Variants in ERC2 observed in about 807,000 individuals in gnomAD.
ERC2 encodes ELKS/RAB6-interacting/CAST family member 2.
ERC2 carries 42 observed loss-of-function variants against 114.8 expected under a neutral mutation model. The observed-to-expected ratio is 0.37, with a 90% CI of 0.29 to 0.47. The LOEUF is 0.47. ERC2 is among the 20% of genes least tolerant of loss of function. The pLI is 0.99. For synonymous variants in ERC2, 454 were observed against 425.5 expected, an observed-to-expected ratio of 1.07 and a Z score of -0.82; for missense variants, 939 against 1,150.7, an observed-to-expected ratio of 0.82 and a Z score of 2.66.
intron 14 of ERC2, among the ~76,000 whole-genome samples, chr3:55,760,714 G>A (rs1418677853): frequency 6.6e-6 from 1 of 152,210 alleles, no homozygotes; most frequent in Non-Finnish European, 1.5e-5. Context: ...TAGTCTGCAT[G>A]GAGGTGGTTC....
At chr3:56,384,879 A>G (rs1050179897) in intron 2 of ERC2, among the ~76,000 whole-genome samples, 3 of 152,062 alleles carry the variant, frequency 2.0e-5, no homozygotes, top group African/African-American at 7.2e-5. Context: ...TAAGGGTCCA[A>G]CCTCATTATT....
chr3:55,563,852 C>A, intron 17 of ERC2, among the ~76,000 whole-genome samples: 1 of 152,322 alleles, frequency 6.6e-6, no homozygotes, highest in East Asian at 1.9e-4. Context: ...CTGGGCTCCT[C>A]AGTAACATTA....
chr3:56,380,163 G>T (rs2059694986), intron 2 of ERC2, among the ~76,000 whole-genome samples: 1 of 152,102 alleles, frequency 6.6e-6, no homozygotes, highest in African/African-American at 2.4e-5. Context: ...CAATCTGAGT[G>T]TTTCATATAC....
At chr3:56,126,806 G>GAAA (rs1241665710) in intron 6 of ERC2, among the ~76,000 whole-genome samples, 19 of 145,840 alleles carry the variant, frequency 1.3e-4, no homozygotes, top group African/African-American at 2.8e-4. Context: ...GAAAGGAAAG[G>GAAA]GAAGGAAAGG....
intron 14 of ERC2, among the ~76,000 whole-genome samples, chr3:55,817,816 A>C (rs1301848039): frequency 6.6e-6 from 1 of 152,226 alleles, no homozygotes; most frequent in Non-Finnish European, 1.5e-5. Flanking sequence ...AATATCTGGA[A>C]CACAAACAGC....
chr3:55,875,724 A>T (rs12493910), intron 14 of ERC2, among the ~76,000 whole-genome samples: 38,757 of 140,222 alleles, frequency 0.28, 5,549 homozygotes, highest in Admixed American at 0.41. Context: ...ACACACACAC[A>T]CTCTCTCTCT....
At chr3:55,934,402 A>G (rs1286995928) in intron 13 of ERC2, among the ~76,000 whole-genome samples, 2 of 152,240 alleles carry the variant, frequency 1.3e-5, no homozygotes, top group Non-Finnish European at 2.9e-5. Flanking sequence ...ACTCCCATGC[A>G]TAAAGAACTG....
intron 6 of ERC2, among the ~76,000 whole-genome samples, chr3:56,081,525 C>T (rs951671406): frequency 4.1e-5 from 6 of 146,710 alleles, no homozygotes; most frequent in African/African-American, 1.5e-4. Context: ...AACACCCATG[C>T]TCCAGCCTCA....
chr3:55,581,369 G>T (rs2057253090), intron 17 of ERC2, among the ~76,000 whole-genome samples: 1 of 152,156 alleles, frequency 6.6e-6, no homozygotes, highest in South Asian at 2.1e-4. Context: ...CATCCCTCAA[G>T]GTGAGTTTAT....
chr3:56,134,319 G>A (rs2149897788), intron 6 of ERC2, among the ~76,000 whole-genome samples: 1 of 152,172 alleles, frequency 6.6e-6, no homozygotes, highest in Non-Finnish European at 1.5e-5. Flanking sequence ...GGAGTTTATG[G>A]TACCATAAAT....
At chr3:56,328,173 G>A (rs369615510) in intron 2 of ERC2, among the ~76,000 whole-genome samples, 2 of 152,156 alleles carry the variant, frequency 1.3e-5, no homozygotes, top group South Asian at 4.1e-4. Context: ...GCTCCATGCA[G>A]AAGACCGAAA....
At chr3:55,623,922 C>G (rs1179587685) in intron 17 of ERC2, among the ~76,000 whole-genome samples, 1 of 152,200 alleles carries the variant, frequency 6.6e-6, no homozygotes, top group Non-Finnish European at 1.5e-5. Flanking sequence ...CTTTGCAGCA[C>G]TGGGTAACAA....
At chr3:56,258,976 AT>A (rs36089023) in intron 3 of ERC2, among the ~76,000 whole-genome samples, 2,559 of 144,160 alleles carry the variant, frequency 0.018, 79 homozygotes, top group African/African-American at 0.06. Context: ...TAATTAATTA[AT>A]TTTTTTTTTT....
chr3:56,370,182 T>G (rs1576629643), intron 2 of ERC2, among the ~76,000 whole-genome samples: 1 of 152,196 alleles, frequency 6.6e-6, no homozygotes, highest in Non-Finnish European at 1.5e-5. Context: ...TCATTCTTTA[T>G]GCAAACAATC....
intron 1 of ERC2, among the ~76,000 whole-genome samples, chr3:56,457,058 A>G (rs2063097156): frequency 6.6e-6 from 1 of 152,250 alleles, no homozygotes; most frequent in Admixed American, 6.5e-5. Flanking sequence ...AACTATTTCC[A>G]TTCATGAACT....
intron 2 of ERC2, among the ~76,000 whole-genome samples, chr3:56,427,723 A>C (rs997507369): frequency 6.6e-6 from 1 of 152,134 alleles, no homozygotes; most frequent in Non-Finnish European, 1.5e-5. Flanking sequence ...GCACTAGCCA[A>C]GGAGAGAGGC....
intron 2 of ERC2, among the ~76,000 whole-genome samples, chr3:56,414,500 A>G (rs1049003126): frequency 1.8e-4 from 28 of 152,202 alleles, no homozygotes; most frequent in African/African-American, 6.3e-4. Flanking sequence ...AGGTAGGTGG[A>G]TCACGAGGTC....
At chr3:55,733,534 TCTCTCTCTCACACACA>T (rs1228160077) in intron 15 of ERC2, among the ~76,000 whole-genome samples, 19 of 55,568 alleles carry the variant, frequency 3.4e-4, no homozygotes, top group East Asian at 1.1e-3. Context: ...TCATTCTTTC[TCTCTCTCTCACACACA>T]CACACACACA....
intron 12 of ERC2, among the ~76,000 whole-genome samples, chr3:55,958,255 C>A (rs774304315): frequency 6.6e-6 from 1 of 152,148 alleles, no homozygotes; most frequent in Non-Finnish European, 1.5e-5. Flanking sequence ...CCTGAAGAGT[C>A]GAGGAGATCT....
Sources: gnomAD v4.1 joint callset for allele counts (sites outside exome capture counted in the v4.1 genomes callset) on GRCh38, gnomAD v4.1.1 for gene constraint, MANE v1.5 for transcripts, NCBI Gene and HGNC (gene_info 2026-07-23, HGNC 2026-07-21) for gene names.